LRP1B: variants seen among roughly 807,000 people sequenced by gnomAD.
LRP1B encodes LDL receptor related protein 1B.
Under a neutral mutation model 556.6 loss-of-function variants are expected in LRP1B, and 217 were observed. That is an observed-to-expected ratio of 0.39 (90% CI 0.35 to 0.44). The LOEUF (loss-of-function observed/expected upper bound fraction) is 0.44, where lower values mean the gene tolerates loss of function less well. Among genes scored for constraint, LRP1B ranks in the 20% least tolerant of loss-of-function variants. The pLI is 1.00. For synonymous variants in LRP1B, 2,047 were observed against 1,865.8 expected, an observed-to-expected ratio of 1.10 and a Z score of -2.50; for missense variants, 5,053 against 5,620.8, an observed-to-expected ratio of 0.90 and a Z score of 3.23.
chr2:141,010,066 A>G (rs1284261754), intron 14 of LRP1B, among the ~76,000 whole-genome samples: 1 of 152,038 alleles, frequency 6.6e-6, no homozygotes, highest in Non-Finnish European at 1.5e-5. Flanking sequence ...TGCTTAGTCC[A>G]CTTCCCTGTA....
chr2:141,815,465 A>G (rs1574392467), intron 1 of LRP1B, among the ~76,000 whole-genome samples: 1 of 152,080 alleles, frequency 6.6e-6, no homozygotes, highest in Non-Finnish European at 1.5e-5. Flanking sequence ...GTAGCTTGCA[A>G]GAGGATTGTA....
intron 18 of LRP1B, among the ~76,000 whole-genome samples, chr2:140,960,115 G>T (rs932429537): frequency 6.6e-6 from 1 of 151,616 alleles, no homozygotes; most frequent in Non-Finnish European, 1.5e-5. Context: ...TAGCTCTGTG[G>T]TTGATGTCCA....
intron 20 of LRP1B, among the ~76,000 whole-genome samples, chr2:140,944,056 A>AAAT (rs1695475002): frequency 6.6e-6 from 1 of 152,090 alleles, no homozygotes; most frequent in Non-Finnish European, 1.5e-5. Context: ...GAGAAGATCC[A>AAAT]AATAAGCACA....
intron 35 of LRP1B, among the ~76,000 whole-genome samples, chr2:140,748,799 C>CATGTATATAATATATGTCATAT (rs1559094721): frequency 1.6e-4 from 3 of 18,430 alleles, no homozygotes; most frequent in Admixed American, 8.0e-4. Context: ...ATATTATATA[C>CATGTATATAATATATGTCATAT]ATATTATATA....
intron 43 of LRP1B, among the ~76,000 whole-genome samples, chr2:140,555,329 A>G (rs1221994343): frequency 1.3e-5 from 2 of 152,060 alleles, no homozygotes; most frequent in African/African-American, 4.8e-5. Flanking sequence ...GTTTGCATGT[A>G]TGAATAACAA....
At chr2:141,111,247 T>C (rs1014637474) in intron 7 of LRP1B, among the ~76,000 whole-genome samples, 9 of 152,180 alleles carry the variant, frequency 5.9e-5, no homozygotes, top group Admixed American at 2.0e-4. Flanking sequence ...AGAGTTTATA[T>C]ACTTAATGTA....
chr2:141,651,515 T>G (rs959114051), intron 2 of LRP1B, among the ~76,000 whole-genome samples: 4 of 151,936 alleles, frequency 2.6e-5, no homozygotes, highest in African/African-American at 9.7e-5. Flanking sequence ...AATACAAAAA[T>G]TGGCCAGGTG....
intron 37 of LRP1B, among the ~76,000 whole-genome samples, chr2:140,705,554 A>AAAAAAAAAAC (rs1559066751): frequency 8.3e-6 from 1 of 119,876 alleles, no homozygotes; most frequent in South Asian, 2.7e-4. Flanking sequence ...AAAAAAAAAA[A>AAAAAAAAAAC]AAAAAACACA....
At chr2:140,580,228 G>C (rs1681706389) in intron 43 of LRP1B, among the ~76,000 whole-genome samples, 1 of 152,152 alleles carries the variant, frequency 6.6e-6, no homozygotes, top group South Asian at 2.1e-4. Flanking sequence ...TCTTAGACCA[G>C]TCACAGTTCA....
intron 41 of LRP1B, chr2:140,683,768 G>T: frequency 1.0e-6 from 1 of 966,856 alleles, no homozygotes; most frequent in South Asian, 1.3e-5. Flanking sequence ...TCTCTCTCCT[G>T]ACAGGAGTGG....
At chr2:140,860,898 T>C (rs994658639) in intron 27 of LRP1B, among the ~76,000 whole-genome samples, 7 of 152,108 alleles carry the variant, frequency 4.6e-5, no homozygotes, top group African/African-American at 1.7e-4. Flanking sequence ...ACTTTCTCCA[T>C]GGTTACAGAC....
At chr2:141,314,482 G>A (rs745378670) in intron 3 of LRP1B, among the ~76,000 whole-genome samples, 1 of 152,010 alleles carries the variant, frequency 6.6e-6, no homozygotes, top group Non-Finnish European at 1.5e-5. Flanking sequence ...ACTAAACTGA[G>A]ATTAAACGGG....
At chr2:140,637,013 G>A (rs559705279) in intron 41 of LRP1B, among the ~76,000 whole-genome samples, 7 of 152,182 alleles carry the variant, frequency 4.6e-5, no homozygotes, top group East Asian at 1.9e-4. Flanking sequence ...AATCTGTCCC[G>A]GTGAGAGTTT....
intron 66 of LRP1B, among the ~76,000 whole-genome samples, chr2:140,395,525 T>C (rs1439324718): frequency 1.3e-5 from 2 of 152,324 alleles, no homozygotes; most frequent in African/African-American, 4.8e-5. Context: ...GGACAGGTTA[T>C]GTGGACGCAC....
At chr2:141,495,682 G>C (rs773413242) in intron 2 of LRP1B, among the ~76,000 whole-genome samples, 1 of 151,920 alleles carries the variant, frequency 6.6e-6, no homozygotes, top group Non-Finnish European at 1.5e-5. Flanking sequence ...TTGAAACCTC[G>C]TTGAAGACTG....
chr2:140,766,690 C>T (rs1045423245), intron 35 of LRP1B, among the ~76,000 whole-genome samples: 32 of 150,780 alleles, frequency 2.1e-4, no homozygotes, highest in Non-Finnish European at 4.6e-4. Flanking sequence ...TTTATTGCCC[C>T]AGAGTAGTGA....
intron 2 of LRP1B, among the ~76,000 whole-genome samples, chr2:141,656,073 G>C (rs1187982092): frequency 6.6e-6 from 1 of 152,120 alleles, no homozygotes; most frequent in African/African-American, 2.4e-5. Context: ...GAGAAACTGA[G>C]ACACAAAGTG....
chr2:140,285,600 A>G (rs1216104580), intron 84 of LRP1B, among the ~76,000 whole-genome samples: 4 of 151,740 alleles, frequency 2.6e-5, no homozygotes, highest in Non-Finnish European at 2.9e-5. Flanking sequence ...ATAAACAAAC[A>G]ATTTATTGAT....
chr2:141,247,400 C>T (rs2105328086), intron 4 of LRP1B, 46 bp from the exon 5 acceptor site: 1 of 1,592,496 alleles, frequency 6.3e-7, no homozygotes, highest in East Asian at 2.3e-5. Flanking sequence ...TTATCTTGGG[C>T]ACTTTTTTTT....
Sources: gnomAD v4.1 joint callset for allele counts (sites outside exome capture counted in the v4.1 genomes callset) on GRCh38, gnomAD v4.1.1 for gene constraint, MANE v1.5 for transcripts, NCBI Gene and HGNC (gene_info 2026-07-23, HGNC 2026-07-21) for gene names.